CDKAL1: variants seen among roughly 807,000 people sequenced by gnomAD.
CDKAL1 encodes threonylcarbamoyladenosine tRNA methylthiotransferase.
In CDKAL1, 32 loss-of-function variants were observed where a neutral mutation model predicts 68.2. That is an observed-to-expected ratio of 0.47 (90% confidence interval 0.35 to 0.63). CDKAL1 has a LOEUF of 0.63. CDKAL1 is among the 30% of genes least tolerant of loss of function. The pLI is 0.00. For missense variants in CDKAL1, 606 were observed against 696.7 expected (o/e 0.87, Z 1.47); for synonymous variants, 234 against 244.3 (o/e 0.96, Z 0.39).
At chr6:20,964,291 T>G (rs1298726865) in intron 10 of CDKAL1, among the ~76,000 whole-genome samples, 1 of 152,204 alleles carries the variant, frequency 6.6e-6, no homozygotes, top group Non-Finnish European at 1.5e-5. Context: ...CCATTTGTCC[T>G]AGCAATCCCA....
intron 4 of CDKAL1, among the ~76,000 whole-genome samples, chr6:20,627,195 T>C (rs1165802561): frequency 2.6e-5 from 4 of 152,176 alleles, no homozygotes; most frequent in Admixed American, 2.6e-4. Flanking sequence ...TCAGGTCTAG[T>C]TGTAGCTTGT....
intron 15 of CDKAL1, 70 bp downstream of exon 15, chr6:21,201,344 G>C: frequency 7.4e-7 from 1 of 1,345,742 alleles, no homozygotes; most frequent in Non-Finnish European, 1.0e-6. Context: ...GTGATTCCAG[G>C]CCATGTTTCT....
At chr6:20,735,521 G>T (rs907107224) in intron 5 of CDKAL1, among the ~76,000 whole-genome samples, 1 of 152,030 alleles carries the variant, frequency 6.6e-6, no homozygotes, top group African/African-American at 2.4e-5. Flanking sequence ...CCTCCCACTG[G>T]GCTCCTCCCG....
intron 8 of CDKAL1, among the ~76,000 whole-genome samples, chr6:20,821,185 A>G (rs764375424): frequency 3.9e-5 from 6 of 152,106 alleles, no homozygotes; most frequent in African/African-American, 7.2e-5. Context: ...TCATCATGCA[A>G]TGGGAGTTGG....
intron 15 of CDKAL1, among the ~76,000 whole-genome samples, chr6:21,207,220 A>AT (rs141248027): frequency 0.19 from 27,142 of 142,152 alleles, 2,519 homozygotes; most frequent in African/African-American, 0.22. Context: ...GCCTACTTTA[A>AT]ATTTTTTTTT....
At chr6:20,817,021 A>G (rs1210317217) in intron 8 of CDKAL1, among the ~76,000 whole-genome samples, 20 of 152,156 alleles carry the variant, frequency 1.3e-4, no homozygotes, top group Non-Finnish European at 2.4e-4. Flanking sequence ...ATTGTGTGTT[A>G]TGCACTGCGC....
In CDKAL1 at chr6:20,694,822, CA is replaced by C. The variant is rs547488308; in HGVS notation, c.372-44696del. 3.0e-4 allele frequency among the ~76,000 whole-genome samples: 45 copies of C among 152,260 alleles called. No individual in the cohort carries two copies. In the South Asian group the frequency reaches 9.1e-3, roughly 31 times the overall value. On this transcript the variant is annotated intron_variant, in intron 5 of 15. Transcript: ENST00000274695. ...CAAATGGAGGTGTTTGGGTCATGGT[CA>C]GTAGCTCCCTACAGTCCTCACAGTA...
chr6:21,036,978 C>G (rs73735610), intron 11 of CDKAL1, among the ~76,000 whole-genome samples: 1 of 152,188 alleles, frequency 6.6e-6, no homozygotes, highest in African/African-American at 2.4e-5. Context: ...CAAGAGGATT[C>G]GGATTATCAT....
intron 10 of CDKAL1, among the ~76,000 whole-genome samples, chr6:20,960,296 G>A (rs886510528): frequency 2.0e-5 from 3 of 152,072 alleles, no homozygotes; most frequent in Non-Finnish European, 1.5e-5. Flanking sequence ...TTTTTGTTTT[G>A]TTAATTGAGA....
chr6:20,563,420 A>G (rs995042867), intron 4 of CDKAL1, among the ~76,000 whole-genome samples: 3 of 152,200 alleles, frequency 2.0e-5, no homozygotes, highest in Non-Finnish European at 2.9e-5. Flanking sequence ...GAGTATTTGA[A>G]GCTTATCATT....
At chr6:21,047,706 A>T (rs1252396112) in intron 11 of CDKAL1, among the ~76,000 whole-genome samples, 3 of 152,182 alleles carry the variant, frequency 2.0e-5, no homozygotes, top group African/African-American at 7.2e-5. Context: ...AAGAAAACAG[A>T]TGTAAAAAAT....
intron 13 of CDKAL1, among the ~76,000 whole-genome samples, chr6:21,152,314 A>G (rs1013162004): frequency 6.6e-6 from 1 of 152,162 alleles, no homozygotes; most frequent in African/African-American, 2.4e-5. Context: ...TCACATGGGC[A>G]TAGCAGTAGT....
intron 5 of CDKAL1, among the ~76,000 whole-genome samples, chr6:20,667,447 C>T (rs1451758982): frequency 6.6e-6 from 1 of 151,986 alleles, no homozygotes; most frequent in Non-Finnish European, 1.5e-5. Context: ...TTTTTCAAGT[C>T]TATACTCATC....
chr6:20,764,756 A>G (rs1443396933), intron 7 of CDKAL1, among the ~76,000 whole-genome samples: 1 of 152,178 alleles, frequency 6.6e-6, no homozygotes, highest in Non-Finnish European at 1.5e-5. Flanking sequence ...CTGGGAGGGT[A>G]TTGGACCACA....
chr6:20,797,827 T>TTATTTTATTTTTTTTTA (rs1776177138), intron 8 of CDKAL1, among the ~76,000 whole-genome samples: 1 of 148,442 alleles, frequency 6.7e-6, no homozygotes, highest in Non-Finnish European at 1.5e-5. Flanking sequence ...TTATTTTATT[T>TTATTTTATTTTTTTTTA]TTTCTTGGAG....
At chr6:20,993,805 T>C (rs918971238) in intron 10 of CDKAL1, among the ~76,000 whole-genome samples, 1 of 152,246 alleles carries the variant, frequency 6.6e-6, no homozygotes, top group African/African-American at 2.4e-5. Context: ...CTTTGTAAGA[T>C]GAGGATTCCA....
intron 5 of CDKAL1, among the ~76,000 whole-genome samples, chr6:20,684,702 T>C (rs1770541066): frequency 6.7e-6 from 1 of 149,880 alleles, no homozygotes; most frequent in Non-Finnish European, 1.5e-5. Flanking sequence ...GTGTTCTGGA[T>C]TTGGCCATTG....
chr6:20,632,535 T>A (rs17224527), intron 4 of CDKAL1, among the ~76,000 whole-genome samples: 36,845 of 152,122 alleles, frequency 0.24, 5,239 homozygotes, highest in Middle Eastern at 0.39. Flanking sequence ...AATACCAGAC[T>A]CTCTGTCAGA....
chr6:20,793,212 G>A (rs1775970467), intron 8 of CDKAL1, among the ~76,000 whole-genome samples: 1 of 152,100 alleles, frequency 6.6e-6, no homozygotes. Context: ...GATTGCAATT[G>A]TTAAAGCCCC....
Sources: allele counts gnomAD v4.1 joint callset (sites outside exome capture counted in the v4.1 genomes callset), GRCh38; gene constraint gnomAD v4.1.1; transcripts MANE v1.5; gene names NCBI Gene and HGNC (gene_info 2026-07-23, HGNC 2026-07-21).